MACROH2A1: variants seen among roughly 807,000 people sequenced by gnomAD.
MACROH2A1 encodes the protein core histone macro-H2A.1.
In MACROH2A1, 2 loss-of-function variants were observed where a neutral mutation model predicts 31.6. That is an observed-to-expected ratio of 0.06 (90% CI 0.03 to 0.20). MACROH2A1 has a LOEUF of 0.20. Among genes scored for constraint, MACROH2A1 ranks in the 10% least tolerant of loss-of-function variants. The probability of loss-of-function intolerance (pLI) is 1.00; values close to 1 mark genes in which losing one functional copy is unlikely to be tolerated. For missense variants in MACROH2A1, 230 were observed against 474.0 expected, an observed-to-expected ratio of 0.49 and a Z score of 4.78; for synonymous variants, 169 against 189.6, an observed-to-expected ratio of 0.89 and a Z score of 0.89.
In MACROH2A1 at chr5:135,334,733, A is replaced by G. The variant is rs1012197199; in HGVS notation, c.*243T>C. The G allele has an allele frequency of 9.2e-6, 4 of 434,246 alleles. No individual in the cohort carries two copies. The highest frequency in any genetic ancestry group is 1.7e-5 in the Non-Finnish European group (4 of 242,222). 26.9% of individuals were successfully genotyped at this position (434,246 alleles called of 1,614,324 possible). ...AAAACTATAAAATCTCCTAGGTTAC[A>G]CTAAGTCAGACACGGTCTGGAACAC... On this transcript the variant is annotated 3_prime_UTR_variant, in exon 9 of 9. Transcript: ENST00000511689.
At chr5:135,377,950 C>T (rs1581298354) in intron 2 of MACROH2A1, among the ~76,000 whole-genome samples, 1 of 152,148 alleles carries the variant, frequency 6.6e-6, no homozygotes, top group African/African-American at 2.4e-5. Flanking sequence ...AAGGGAGGCC[C>T]CTGAGAGGGC....
At chr5:135,342,030 G>A (rs1366995824) in intron 8 of MACROH2A1, among the ~76,000 whole-genome samples, 2 of 152,248 alleles carry the variant, frequency 1.3e-5, no homozygotes, top group Admixed American at 1.3e-4. Flanking sequence ...CCCAGGTTAT[G>A]GCTCCTCTTG....
chr5:135,352,321 G>C (rs2149776029), intron 6 of MACROH2A1, among the ~76,000 whole-genome samples: 1 of 152,366 alleles, frequency 6.6e-6, no homozygotes, highest in African/African-American at 2.4e-5. Flanking sequence ...CTGCCATCTT[G>C]AACAGGGAGA....
At chr5:135,342,508 T>C (rs1203867269) in intron 8 of MACROH2A1, among the ~76,000 whole-genome samples, 1 of 152,222 alleles carries the variant, frequency 6.6e-6, no homozygotes. Context: ...GGGGTTGCCC[T>C]GAGCCCTACC....
At chr5:135,350,953 C>T (rs935567663) in intron 6 of MACROH2A1, 11 of 1,349,138 alleles carry the variant, frequency 8.2e-6, no homozygotes, top group African/African-American at 1.4e-5. Context: ...TGTGTTGGAC[C>T]GAGACCCACG....
chr5:135,376,242 C>T (rs1374448771), intron 2 of MACROH2A1, among the ~76,000 whole-genome samples: 1 of 152,156 alleles, frequency 6.6e-6, no homozygotes, highest in Admixed American at 6.5e-5. Flanking sequence ...GCAGACTCCT[C>T]CGAAAAGTCC....
intron 6 of MACROH2A1, chr5:135,351,084 G>A (rs752694647): frequency 1.4e-5 from 7 of 489,086 alleles, no homozygotes; most frequent in Non-Finnish European, 2.6e-5. Context: ...GGTGAGGACA[G>A]GAGGAGGAGG....
At chr5:135,346,282 C>G in intron 6 of MACROH2A1, 1 of 550,952 alleles carries the variant, frequency 1.8e-6, no homozygotes, top group South Asian at 2.0e-5. Context: ...TCTCTGCTGC[C>G]CCTTATTTGG....
intron 2 of MACROH2A1, among the ~76,000 whole-genome samples, chr5:135,387,648 T>C (rs1411796239): frequency 1.3e-5 from 2 of 152,152 alleles, no homozygotes; most frequent in East Asian, 3.9e-4. Context: ...TTGGGTCCCT[T>C]CTCAACCCCT....
intron 2 of MACROH2A1, among the ~76,000 whole-genome samples, chr5:135,375,240 T>C (rs866716974): frequency 1.1e-4 from 17 of 152,228 alleles, no homozygotes; most frequent in African/African-American, 4.1e-4. Flanking sequence ...GATGCAACCA[T>C]ATTCCCTCTC....
intron 4 of MACROH2A1, among the ~76,000 whole-genome samples, chr5:135,368,024 G>A (rs1934090781): frequency 1.3e-5 from 2 of 152,218 alleles, no homozygotes; most frequent in Admixed American, 6.5e-5. Context: ...TAGATGGAAT[G>A]CAAGTGTCTG....
At chr5:135,362,220 A>G (rs1430620403) in intron 4 of MACROH2A1, 2 of 152,240 alleles carry the variant, frequency 1.3e-5, no homozygotes, top group African/African-American at 2.4e-5. Context: ...ATCTTCAGAA[A>G]ATAGACTGGT....
chr5:135,335,182 C>T lies in MACROH2A1; in HGVS notation c.954-41G>A, dbSNP rs200386228. The T allele has an allele frequency of 3.1e-5, 49 of 1,556,924 alleles. No homozygotes were observed. In the East Asian group the frequency reaches 4.0e-4, roughly 13 times the overall value. On this transcript the variant is annotated intron_variant, in intron 8 of 8. Coordinates refer to ENST00000511689, the MANE Select transcript of MACROH2A1 (RefSeq NM_138610.3). ...TAAGCACTCAGCAACTGGGATGCCA[C>T]GGGGGCTGCAGGACCTGCCCCACCT...
At chr5:135,349,121 G>A (rs1372099454) in intron 6 of MACROH2A1, among the ~76,000 whole-genome samples, 2 of 152,160 alleles carry the variant, frequency 1.3e-5, no homozygotes, top group Non-Finnish European at 2.9e-5. Context: ...TCCTCAGGCT[G>A]CAGCAGGCAG....
At position 135,359,121 on chromosome 5, in the gene MACROH2A1, G is replaced by C. The variant is rs114967775; in HGVS notation, c.588+1376C>G. 1,032 of 985,374 alleles carry C rather than the reference G, an allele frequency of 1.0e-3. 9 individuals are homozygous for C. In the African/African-American group the frequency reaches 0.017, roughly 16 times the overall value. The allele number at this position is 985,374 out of a possible 1,614,324, so 61.0% of individuals were successfully genotyped here. A position where few individuals can be genotyped will look rare whatever the true frequency, so the allele number is the denominator to read the frequency against. On this transcript the variant is annotated intron_variant, in intron 5 of 8. Transcript: ENST00000511689. ...CAGCAAGGGAGGTATGAGGAATTCTGATCTGAGGCTGCCTTTGGAGTGGCT... is the reference window on the plus strand; with the variant it reads ...CAGCAAGGGAGGTATGAGGAATTCTCATCTGAGGCTGCCTTTGGAGTGGCT...
At chr5:135,366,588 A>C (rs1365316122) in intron 4 of MACROH2A1, among the ~76,000 whole-genome samples, 1 of 152,112 alleles carries the variant, frequency 6.6e-6, no homozygotes, top group Non-Finnish European at 1.5e-5. Flanking sequence ...TATTTAAAAA[A>C]AAAAAAAAGA....
rs1295300006 is a variant in MACROH2A1 at position 135,369,470 on chromosome 5, G to T, written c.413C>A (p.Ser138Tyr). The change falls in exon 4 of 9, where the codon TCT becomes TAT. Residue 138 changes from serine to tyrosine, a missense_variant. This residue lies in a region of MACROH2A1 where 183 missense variants were observed against 319.3 expected (regional missense o/e 0.57). Transcript: ENST00000511689. The surrounding 1 kb of genome is among the most constrained non-coding windows in gnomAD (Gnocchi z 4.3). ...ITPPPAKKAKSPSQKKPVSKK... is the reference protein window; with the variant it reads ...ITPPPAKKAKYPSQKKPVSKK... ...AGATACAGGCTTCTTCTGGGATGGA[G>T]ACTTGGCCTTTTTGGCTGGGGGTGG... The T allele has an allele frequency of 6.2e-7, 1 of 1,614,230 alleles. No individual in the cohort carries two copies. Among genetic ancestry groups the T allele is most frequent in the Non-Finnish European group, 8.5e-7 (1 of 1,180,038 alleles).
chr5:135,337,516 G>C (rs1343897131), intron 8 of MACROH2A1, among the ~76,000 whole-genome samples: 1 of 152,252 alleles, frequency 6.6e-6, no homozygotes, highest in Non-Finnish European at 1.5e-5. Flanking sequence ...CCTTACAAAA[G>C]AGTATGTGAC....
At position 135,365,433 on chromosome 5, in the gene MACROH2A1, C is replaced by T. The variant is rs116617410; in HGVS notation, c.477+3973G>A. Reference sequence around the variant, plus strand: ...TCATGAGAGTAACCTCACCTCACTGCCTATGTAAAATAATACTGGCTCTGC... The same window carrying T: ...TCATGAGAGTAACCTCACCTCACTGTCTATGTAAAATAATACTGGCTCTGC... On this transcript the variant is annotated intron_variant, in intron 4 of 8. Transcript: ENST00000511689. Among the ~76,000 whole-genome samples, 1,394 of 152,220 alleles carry T rather than the reference C, an allele frequency of 9.2e-3. 13 individuals carry two copies. Among genetic ancestry groups the T allele is most frequent in the Non-Finnish European group, 0.012 (812 of 68,018 alleles).
Sources: allele counts gnomAD v4.1 joint callset (sites outside exome capture counted in the v4.1 genomes callset), GRCh38; gene constraint gnomAD v4.1.1; regional missense constraint gnomAD v4.1.1; non-coding constraint Gnocchi (gnomAD v3.1); transcripts MANE v1.5; gene names NCBI Gene and HGNC (gene_info 2026-07-23, HGNC 2026-07-21).